MSH5: variants seen among roughly 807,000 people sequenced by gnomAD.
MSH5 encodes mutS protein homolog 5.
MSH5 carries 78 observed loss-of-function variants against 107.7 expected under a neutral mutation model. The observed-to-expected ratio is 0.72, with a 90% CI of 0.60 to 0.87. The LOEUF is 0.87. MSH5 is among the 40% of genes least tolerant of loss of function. The pLI is 0.00. For synonymous variants in MSH5, 326 were observed against 399.5 expected (o/e 0.82, Z 2.19); for missense variants, 889 against 1,046.6 (o/e 0.85, Z 2.08).
rs559388336 is a variant in MSH5 at position 31,747,427 on chromosome 6, G to A, written c.807G>A (p.Leu269=). 6.2e-7 allele frequency: 1 copy of A among 1,613,020 alleles called. No individual in the cohort carries two copies. Among genetic ancestry groups the A allele is most frequent in the East Asian group, 2.2e-5 (1 of 44,886 alleles). ...NRCHCKWGEK[L]LRLWFTRPTH... Reference sequence around the variant, plus strand: ...GCCACTGTAAGTGGGGAGAGAAGCTGCTCAGGTGAGTGGGTCCCACACATA... The same window carrying A: ...GCCACTGTAAGTGGGGAGAGAAGCTACTCAGGTGAGTGGGTCCCACACATA... Residue 269 remains leucine (L), a synonymous_variant, in exon 10 of 25, where the codon CTG becomes CTA. Transcript: ENST00000375750.
Position 31,747,429 on chromosome 6 carries a change from T to G in MSH5, c.809T>G (p.Leu270Arg), listed in dbSNP as rs770677623. The change falls in exon 10 of 25, where the codon CTC becomes CGC. Residue 270 changes from leucine (L) to arginine (R), a missense_variant. Leu to Arg is a moderately radical substitution (Grantham distance 102). This residue lies in a region of MSH5 where 518 missense variants were observed against 565.0 expected (regional missense o/e 0.92). Coordinates refer to ENST00000375750, the MANE Select transcript of MSH5 (RefSeq NM_172166.4). ...CACTGTAAGTGGGGAGAGAAGCTGC[T>G]CAGGTGAGTGGGTCCCACACATACT... ...RCHCKWGEKL[L>R]RLWFTRPTHD... is the part of the protein sequence containing the mutation. 6.2e-7 allele frequency: 1 copy of G among 1,613,036 alleles called. No homozygotes were observed. The highest frequency in any genetic ancestry group is 8.5e-7 in the Non-Finnish European group (1 of 1,180,002).
chr6:31,753,345 C>G lies in MSH5; in HGVS notation c.857C>G (p.Ser286Cys). ...RPTHDLGELS[S>C]RLDVIQFFLL... ...ACTCATGACCTGGGGGAGCTCAGTT[C>G]TCGTCTGGACGTCATTCAGTTTTTT... Residue 286 changes from serine (S) to cysteine (C), a missense_variant, in exon 11 of 25, where the codon TCT (serine) becomes TGT (cysteine). By Grantham distance (112) the Ser-to-Cys change is moderately radical. This residue lies in a region of MSH5 where 518 missense variants were observed against 565.0 expected (regional missense o/e 0.92). Coordinates refer to ENST00000375750, the MANE Select transcript of MSH5 (RefSeq NM_172166.4). 2 of 1,614,176 alleles carry G rather than the reference C, an allele frequency of 1.2e-6. No individual in the cohort carries two copies. The highest frequency in any genetic ancestry group is 8.5e-7 in the Non-Finnish European group (1 of 1,180,024).
At chr6:31,762,349 G>A (rs930692795) in intron 24 of MSH5, 71 bp from the exon 25 acceptor site, 3 of 1,355,250 alleles carry the variant, frequency 2.2e-6, no homozygotes, top group South Asian at 2.4e-5. Flanking sequence ...CTGTGCCACA[G>A]CCTCTCCCCT....
Position 31,761,082 on chromosome 6 carries a change from G to A in MSH5, c.1963-106G>A, listed in dbSNP as rs149423512. On this transcript the variant is annotated intron_variant, in intron 20 of 24. Coordinates refer to ENST00000375750, the MANE Select transcript of MSH5 (RefSeq NM_172166.4). This position sits in a 1 kb window ranked among gnomAD's most constrained non-coding sequence, Gnocchi z 5.3. ...GCACCTCACCATTCAAGAACTTGCAGTGCAGTAGGGAGGGCATGTATACAG... is the reference window on the plus strand; with the variant it reads ...GCACCTCACCATTCAAGAACTTGCAATGCAGTAGGGAGGGCATGTATACAG... 1,071 of 1,155,598 alleles carry A rather than the reference G, an allele frequency of 9.3e-4. No homozygotes were observed. Among genetic ancestry groups the A allele is most frequent in the Middle Eastern group, 4.6e-3 (23 of 5,032 alleles). 71.6% of individuals were successfully genotyped at this position (1,155,598 alleles called of 1,614,324 possible).
chr6:31,742,264 T>G (rs1404605581), intron 3 of MSH5, among the ~76,000 whole-genome samples: 3 of 152,198 alleles, frequency 2.0e-5, no homozygotes, highest in Non-Finnish European at 2.9e-5. Flanking sequence ...TTTGTTTGGT[T>G]GTTCTTTTTT....
At chr6:31,744,524 CT>C (rs756070053) in intron 7 of MSH5, 21 bp from the exon 8 acceptor site, 2 of 1,613,484 alleles carry the variant, frequency 1.2e-6, no homozygotes, top group Non-Finnish European at 1.7e-6. Context: ...CTGCTTCCTG[CT>C]TTTTTGTTTT....
At chr6:31,751,637 G>GA (rs9281572) in intron 10 of MSH5, 11,434 of 137,722 alleles carry the variant, frequency 0.083, 530 homozygotes, top group Non-Finnish European at 0.12. Context: ...CTCTGTCTCA[G>GA]AAAAAAAAAA....
rs763824263 is a variant in MSH5 at position 31,743,889 on chromosome 6, GCCTC to G, written c.416-10_416-7del. ...AGCTACAAGACCGTTCCCTTTGCTT[GCCTC>G]CCTCAAATAGGTCTGGAGATAAGCA... On this transcript the variant is annotated splice_polypyrimidine_tract_variant and intron_variant, in intron 5 of 24. Coordinates refer to ENST00000375750, the MANE Select transcript of MSH5 (RefSeq NM_172166.4). 1 of 1,612,114 alleles carries G rather than the reference GCCTC, an allele frequency of 6.2e-7. No homozygotes were observed. Among genetic ancestry groups the G allele is most frequent in the Non-Finnish European group, 8.5e-7 (1 of 1,179,636 alleles).
At chr6:31,741,376 C>G in intron 3 of MSH5, 90 bp downstream of exon 3, 1 of 823,226 alleles carries the variant, frequency 1.2e-6, no homozygotes, top group Non-Finnish European at 1.7e-6. Flanking sequence ...CACACACACA[C>G]ACACACATAT....
chr6:31,748,947 CCT>C (rs1398176474), intron 10 of MSH5, among the ~76,000 whole-genome samples: 1 of 150,570 alleles, frequency 6.6e-6, no homozygotes, highest in Non-Finnish European at 1.5e-5. Flanking sequence ...ACGGAGTCTC[CCT>C]CTGTCACCCA....
Position 31,743,413 on chromosome 6 carries a change from G to GTGA in MSH5, c.415+244_415+246dup. The stretch of plus-strand genomic sequence containing the variant: ...GGATGAGGGCCTCCCCTGAGGAGTG[G>GTGA]TGACACTTTTTGGACAGGGTTTTAT... On this transcript the variant is annotated intron_variant, in intron 5 of 24. Coordinates refer to ENST00000375750, the MANE Select transcript of MSH5 (RefSeq NM_172166.4). 5 of 555,266 alleles carry GTGA rather than the reference G, an allele frequency of 9.0e-6. No individual in the cohort carries two copies. The South Asian group carries it at 1.3e-4, about 14-fold the overall frequency. The allele number at this position is 555,266 out of a possible 1,614,324, so 34.4% of individuals were successfully genotyped here.
chr6:31,748,263 C>A (rs1809637366), intron 10 of MSH5, among the ~76,000 whole-genome samples: 1 of 151,950 alleles, frequency 6.6e-6, no homozygotes, highest in Non-Finnish European at 1.5e-5. Flanking sequence ...TGGCAGTACA[C>A]CTTCTCAAGC....
chr6:31,744,183 C>G lies in MSH5; in HGVS notation c.538-7C>G, dbSNP rs1188873263. ...TTACCCCGATTCCACTGCTGATCCC[C>G]TCCCAGGTTCGAGCACTTGGAGGGC... On this transcript the variant is annotated splice_region_variant and splice_polypyrimidine_tract_variant and intron_variant, in intron 6 of 24. Coordinates refer to ENST00000375750, the MANE Select transcript of MSH5 (RefSeq NM_172166.4). 2 of 1,609,536 alleles carry G rather than the reference C, an allele frequency of 1.2e-6. No homozygotes were observed. The highest frequency in any genetic ancestry group is 2.2e-5 in the East Asian group (1 of 44,882).
Position 31,740,711 on chromosome 6 carries a change from A to T in MSH5, c.147+98A>T. On this transcript the variant is annotated intron_variant, in intron 2 of 24. Coordinates refer to ENST00000375750, the MANE Select transcript of MSH5 (RefSeq NM_172166.4). This position sits in a 1 kb window ranked among gnomAD's most constrained non-coding sequence, Gnocchi z 4.4. ...CGCGGTGGCTCACACCTGTAATCTTAGCACTTTGGGAGACTGAGGCGGGCG... is the reference window on the plus strand; with the variant it reads ...CGCGGTGGCTCACACCTGTAATCTTTGCACTTTGGGAGACTGAGGCGGGCG... The T allele has an allele frequency of 7.5e-7, 1 of 1,336,784 alleles. No individual in the cohort carries two copies. The highest frequency in any genetic ancestry group is 9.8e-7 in the Non-Finnish European group (1 of 1,023,018). 82.8% of individuals were successfully genotyped at this position (1,336,784 alleles called of 1,614,324 possible).
In MSH5 at chr6:31,740,574, CGAG is replaced by C; in HGVS notation, c.117_119del (p.Glu40del). 6.6e-7 allele frequency: 1 copy of C among 1,512,976 alleles called. No individual in the cohort carries two copies. Among genetic ancestry groups the C allele is most frequent in the Non-Finnish European group, 8.8e-7 (1 of 1,133,592 alleles). The allele number at this position is 1,512,976 out of a possible 1,614,324, so 93.7% of individuals were successfully genotyped here. A position where few individuals can be genotyped will look rare whatever the true frequency, so the allele number is the denominator to read the frequency against. On this transcript the variant is annotated inframe_deletion, in exon 2 of 25. Transcript: ENST00000375750. The surrounding 1 kb of genome is among the most constrained non-coding windows in gnomAD (Gnocchi z 4.4). ...CCCCAGTGCCGGGCCCCAGGGAGGCCGAGGAGGAGGAAGTCGAGGAGGAGGAGG... is the reference window on the plus strand; with the variant it reads ...CCCCAGTGCCGGGCCCCAGGGAGGCCGAGGAGGAAGTCGAGGAGGAGGAGG...
rs1236087637 is a variant in MSH5 at position 31,759,196 on chromosome 6, G to A, written c.1407+19G>A. 1 of 1,605,660 alleles carries A rather than the reference G, an allele frequency of 6.2e-7. No individual in the cohort carries two copies. The highest frequency in any genetic ancestry group is 1.7e-5 in the Admixed American group (1 of 60,010). ...CTTCATGGTAAGACCCTCAACCTCT[G>A]TAAGGTGAGTGATGAGGAAAATGAG... On this transcript the variant is annotated intron_variant, in intron 16 of 24. Transcript: ENST00000375750. This position sits in a 1 kb window ranked among gnomAD's most constrained non-coding sequence, Gnocchi z 4.7.
chr6:31,758,217 C>G lies in MSH5; in HGVS notation c.1067C>G (p.Ser356Cys). ...GATGCCTGCCGCTCCCTGCCGCAGT[C>G]CATCCAGCTCTTTCGGGACATTGCC... ...LRDACRSLPQ[S>C]IQLFRDIAQE... The change falls in exon 13 of 25, where the codon TCC becomes TGC. Residue 356 changes from serine (S) to cysteine (C), a missense_variant. Ser to Cys is a moderately radical substitution (Grantham distance 112). This residue lies in a region of MSH5 where 518 missense variants were observed against 565.0 expected (regional missense o/e 0.92). Coordinates refer to ENST00000375750, the MANE Select transcript of MSH5 (RefSeq NM_172166.4). The surrounding 1 kb of genome is among the most constrained non-coding windows in gnomAD (Gnocchi z 5.1). 6.2e-7 allele frequency: 1 copy of G among 1,613,058 alleles called. No homozygotes were observed.
rs1810849999 is a variant in MSH5 at position 31,760,134 on chromosome 6, C to T, written c.1730C>T (p.Ser577Phe). The change falls in exon 19 of 25, where the codon TCC becomes TTC. Residue 577 changes from serine to phenylalanine, a missense_variant. Physicochemically the swap from Ser to Phe is radical, Grantham distance 155. Around this residue, in one of 3 missense-constraint regions of MSH5, gnomAD observed 362 missense variants for 456.2 expected, o/e 0.79. Coordinates refer to ENST00000375750, the MANE Select transcript of MSH5 (RefSeq NM_172166.4). This position sits in a 1 kb window ranked among gnomAD's most constrained non-coding sequence, Gnocchi z 5.6. ...TGTGCCCGAACCTTTGTGCCCAACT[C>T]CACAGAATGTGGTGGGGACAAAGGG... ...ELCARTFVPN[S>F]TECGGDKGRV... The T allele has an allele frequency of 6.2e-7, 1 of 1,610,462 alleles. No homozygotes were observed. The highest frequency in any genetic ancestry group is 1.1e-5 in the South Asian group (1 of 90,418).
rs1809238067 is a variant in MSH5, at chr6:31,744,576, T to TTA, written c.679_680dup (p.Ser228ThrfsTer22). Reference sequence around the variant, plus strand: ...ATCTGGTGAACATAGATCAAGACACTTACAGGTAAAGAGGTGGAGGCATGC... The same window carrying TTA: ...ATCTGGTGAACATAGATCAAGACACTTATACAGGTAAAGAGGTGGAGGCATGC... On this transcript the variant is annotated frameshift_variant, in exon 8 of 25. Transcript: ENST00000375750. LOFTEE classifies it high-confidence loss of function. The TTA allele has an allele frequency of 6.2e-7, 1 of 1,612,974 alleles. No homozygotes were observed. Among genetic ancestry groups the TTA allele is most frequent in the Non-Finnish European group, 8.5e-7 (1 of 1,179,986 alleles).
Sources: allele counts gnomAD v4.1 joint callset (sites outside exome capture counted in the v4.1 genomes callset), GRCh38; gene constraint gnomAD v4.1.1; regional missense constraint gnomAD v4.1.1; non-coding constraint Gnocchi (gnomAD v3.1); transcripts MANE v1.5; gene names NCBI Gene and HGNC (gene_info 2026-07-23, HGNC 2026-07-21).